The following ERC2 variants were observed in gnomAD, a reference collection of about 807,000 sequenced individuals.
ERC2 encodes ERC protein 2.
Under a neutral mutation model 114.8 loss-of-function variants are expected in ERC2, and 42 were observed. The observed-to-expected ratio is 0.37, with a 90% CI of 0.29 to 0.47. The LOEUF (loss-of-function observed/expected upper bound fraction) is 0.47. ERC2 is among the 20% of genes least tolerant of loss of function. ERC2 has a pLI of 0.99. For missense variants in ERC2, 939 were observed against 1,150.7 expected, an observed-to-expected ratio of 0.82 and a Z score of 2.66; for synonymous variants, 454 against 425.5, an observed-to-expected ratio of 1.07 and a Z score of -0.82.
At chr3:56,053,292 G>A (rs1405842766) in intron 7 of ERC2, among the ~76,000 whole-genome samples, 1 of 152,184 alleles carries the variant, frequency 6.6e-6, no homozygotes, top group Non-Finnish European at 1.5e-5. Flanking sequence ...GGGAAAAGAG[G>A]TGTAAGTGAG....
chr3:56,149,046 A>G lies in ERC2; in HGVS notation c.1236T>C (p.Thr412=). The change falls in exon 5 of 18, where the codon ACT becomes ACC. Residue 412 remains threonine (T), a synonymous_variant. Transcript: ENST00000288221. ...QMLKANGVLN[T]EDREEEIKQI... is the part of the protein sequence containing the mutation. ...GTTTGATCTCTTCTTCGCGGTCCTC[A>G]GTGTTCAGCACACCATTGGCTTTTA... 1.2e-6 allele frequency: 2 copies of G among 1,613,482 alleles called. No homozygotes were observed. The highest frequency in any genetic ancestry group is 1.7e-6 in the Non-Finnish European group (2 of 1,179,598).
intron 14 of ERC2, among the ~76,000 whole-genome samples, chr3:55,795,116 T>TA (rs1234572035): frequency 1.3e-5 from 2 of 151,976 alleles, no homozygotes; most frequent in Non-Finnish European, 2.9e-5. Flanking sequence ...TTTTAAATCC[T>TA]AAAAAAAAGT....
At chr3:56,176,908 G>C (rs1487512295) in intron 3 of ERC2, among the ~76,000 whole-genome samples, 1 of 152,178 alleles carries the variant, frequency 6.6e-6, no homozygotes. Context: ...TTAGAAATGA[G>C]CAACGCGATC....
chr3:56,408,055 T>G (rs1245328401), intron 2 of ERC2, among the ~76,000 whole-genome samples: 1 of 152,200 alleles, frequency 6.6e-6, no homozygotes, highest in Non-Finnish European at 1.5e-5. Context: ...GCGTCACACA[T>G]TTTATAATGA....
At chr3:55,601,586 C>A (rs973287841) in intron 17 of ERC2, among the ~76,000 whole-genome samples, 1 of 152,178 alleles carries the variant, frequency 6.6e-6, no homozygotes, top group South Asian at 2.1e-4. Context: ...GTGCTTCCTG[C>A]CTATGGGAGA....
intron 14 of ERC2, among the ~76,000 whole-genome samples, chr3:55,794,001 T>C (rs533257618): frequency 2.6e-4 from 40 of 152,302 alleles, no homozygotes; most frequent in African/African-American, 9.1e-4. Context: ...AAAATAAGCA[T>C]TAAAAGCAAA....
chr3:55,830,369 C>T (rs746473990), intron 14 of ERC2, among the ~76,000 whole-genome samples: 17 of 152,102 alleles, frequency 1.1e-4, no homozygotes, highest in African/African-American at 3.1e-4. Flanking sequence ...AATTCAGAAA[C>T]GAAGGACATT....
At chr3:55,956,365 C>T (rs573763693) in intron 12 of ERC2, among the ~76,000 whole-genome samples, 111 of 152,124 alleles carry the variant, frequency 7.3e-4, no homozygotes, top group Non-Finnish European at 1.3e-3. Flanking sequence ...CACACACACA[C>T]GACAGAAGCT....
intron 13 of ERC2, among the ~76,000 whole-genome samples, chr3:55,916,105 C>G (rs1188383558): frequency 8.5e-5 from 13 of 152,110 alleles, no homozygotes; most frequent in Non-Finnish European, 1.9e-4. Flanking sequence ...AGTGCTAAGT[C>G]CTTCAACCAC....
chr3:55,575,558 T>C (rs956118605), intron 17 of ERC2, among the ~76,000 whole-genome samples: 6 of 152,162 alleles, frequency 3.9e-5, no homozygotes, highest in African/African-American at 1.2e-4. Flanking sequence ...AAGAATTCTT[T>C]GGAGTGGATG....
chr3:56,370,385 G>C (rs900649560), intron 2 of ERC2, among the ~76,000 whole-genome samples: 4 of 152,154 alleles, frequency 2.6e-5, no homozygotes, highest in African/African-American at 9.7e-5. Context: ...TGGCATGTGT[G>C]TCATTGCTAA....
chr3:56,343,260 G>T (rs1475520012), intron 2 of ERC2, among the ~76,000 whole-genome samples: 1 of 145,908 alleles, frequency 6.9e-6, no homozygotes, highest in Non-Finnish European at 1.5e-5. Context: ...CACACACCAG[G>T]CTGTGTAAGA....
intron 8 of ERC2, among the ~76,000 whole-genome samples, chr3:56,012,951 T>C (rs559738259): frequency 9.8e-5 from 15 of 152,344 alleles, no homozygotes; most frequent in African/African-American, 3.6e-4. Context: ...GTCTAATCTA[T>C]TTGTGCTTTA....
chr3:56,147,578 T>A lies in ERC2; in HGVS notation c.1305+1399A>T, dbSNP rs116808632. 1.7e-3 allele frequency among the ~76,000 whole-genome samples: 258 copies of A among 152,304 alleles called. 4 individuals carry two copies. The highest frequency in any genetic ancestry group is 6.1e-3 in the African/African-American group (252 of 41,568). ...AAGGAGTATGCACATATTTCACAAC[T>A]GATAAAAATCATTTACACATTTTTC... On this transcript the variant is annotated intron_variant, in intron 5 of 17. Transcript: ENST00000288221.
At chr3:55,733,999 G>C (rs2065466351) in intron 15 of ERC2, among the ~76,000 whole-genome samples, 1 of 152,192 alleles carries the variant, frequency 6.6e-6, no homozygotes, top group Non-Finnish European at 1.5e-5. Context: ...ATATGAGGAG[G>C]AGAAATATCA....
intron 16 of ERC2, among the ~76,000 whole-genome samples, chr3:55,686,141 A>G (rs1465950728): frequency 3.9e-5 from 6 of 152,194 alleles, no homozygotes; most frequent in Non-Finnish European, 7.4e-5. Context: ...TTCCTCGTCC[A>G]CCATAGGAAT....
chr3:55,743,871 A>G (rs1046782519), intron 14 of ERC2, among the ~76,000 whole-genome samples: 9 of 152,188 alleles, frequency 5.9e-5, no homozygotes, highest in African/African-American at 1.9e-4. Flanking sequence ...ATGGACAATC[A>G]TAACTCTCTC....
intron 17 of ERC2, among the ~76,000 whole-genome samples, chr3:55,589,215 C>CAAAA (rs5849104): frequency 7.0e-5 from 7 of 99,798 alleles, no homozygotes; most frequent in Non-Finnish European, 9.6e-5. Context: ...CAGTCACTAC[C>CAAAA]AAAAAAAAAA....
At chr3:56,238,466 C>G (rs2051109602) in intron 3 of ERC2, among the ~76,000 whole-genome samples, 1 of 152,166 alleles carries the variant, frequency 6.6e-6, no homozygotes, top group African/African-American at 2.4e-5. Context: ...AGGTCATTAC[C>G]ACCTGCTCAG....
Sources: gnomAD v4.1 joint callset for allele counts (sites outside exome capture counted in the v4.1 genomes callset) on GRCh38, gnomAD v4.1.1 for gene constraint, MANE v1.5 for transcripts, NCBI Gene and HGNC (gene_info 2026-07-23, HGNC 2026-07-21) for gene names.